CIMAP3: variants seen among roughly 807,000 people sequenced by gnomAD.
The protein encoded by CIMAP3 is ciliary microtubule-associated protein 3.
At chr1:111,324,951 A>G in the CIMAP3 span, 1 of 866,142 alleles carries the variant, frequency 1.2e-6, no homozygotes, top group South Asian at 5.3e-5. Context: ...ATTGGAGTCT[A>G]ACTGGAAAGA....
chr1:111,346,483 C>G, the CIMAP3 span: 3 of 920,420 alleles, frequency 3.3e-6, no homozygotes, highest in Non-Finnish European at 4.9e-6. Flanking sequence ...GGGCTTTGGG[C>G]TCCAAGGTGC....
chr1:111,330,479 TG>T, the CIMAP3 span, among the ~76,000 whole-genome samples: 1 of 152,208 alleles, frequency 6.6e-6, no homozygotes, highest in Non-Finnish European at 1.5e-5. Context: ...GTTGAAGCTT[TG>T]GGGTGTGATC....
At chr1:111,338,174 A>G in the CIMAP3 span, among the ~76,000 whole-genome samples, 3 of 151,968 alleles carry the variant, frequency 2.0e-5, no homozygotes. Flanking sequence ...ACATACCGGA[A>G]TCTCTGGGAC....
At chr1:111,352,926 T>A in the CIMAP3 span, 4 of 152,218 alleles carry the variant, frequency 2.6e-5, no homozygotes, top group African/African-American at 9.6e-5. Flanking sequence ...TGATGAAAGA[T>A]AAAATTTTAA....
At chr1:111,329,203 G>C in the CIMAP3 span, among the ~76,000 whole-genome samples, 1 of 152,034 alleles carries the variant, frequency 6.6e-6, no homozygotes, top group Non-Finnish European at 1.5e-5. Flanking sequence ...CAGGGTTTCA[G>C]CGGAGAGGTC....
the CIMAP3 span, among the ~76,000 whole-genome samples, chr1:111,339,403 G>A: frequency 6.7e-6 from 1 of 149,666 alleles, no homozygotes. Flanking sequence ...TAGGAAAAGA[G>A]GAAGTCAAAT....
the CIMAP3 span, among the ~76,000 whole-genome samples, chr1:111,332,499 C>T: frequency 6.6e-6 from 1 of 152,142 alleles, no homozygotes; most frequent in Non-Finnish European, 1.5e-5. Flanking sequence ...GGCATTTCTG[C>T]AGACAGTAGA....
the CIMAP3 span, among the ~76,000 whole-genome samples, chr1:111,329,798 C>T: frequency 4.6e-5 from 7 of 151,932 alleles, no homozygotes; most frequent in Non-Finnish European, 8.8e-5. Flanking sequence ...AGGTAATCAG[C>T]CCGCCTCAGC....
At chr1:111,348,505 C>A in the CIMAP3 span, 2 of 1,588,908 alleles carry the variant, frequency 1.3e-6, no homozygotes, top group Non-Finnish European at 1.7e-6. Flanking sequence ...TGATCTTTTT[C>A]TTGGAAACAG....
chr1:111,351,305 A>G, the CIMAP3 span: 3 of 1,584,236 alleles, frequency 1.9e-6, no homozygotes, highest in East Asian at 2.2e-5. Context: ...CGTGTGGCCT[A>G]CCTAAGCCTG....
At chr1:111,340,791 C>G in the CIMAP3 span, among the ~76,000 whole-genome samples, 1 of 152,168 alleles carries the variant, frequency 6.6e-6, no homozygotes, top group Admixed American at 6.5e-5. Flanking sequence ...TTGTGGAAGT[C>G]AGTGTGGCGA....
chr1:111,342,706 G>A, the CIMAP3 span, among the ~76,000 whole-genome samples: 36 of 152,278 alleles, frequency 2.4e-4, no homozygotes, highest in African/African-American at 8.7e-4. Flanking sequence ...GTTAAGGCAG[G>A]GGCAGATCTT....
chr1:111,346,634 C>G, the CIMAP3 span: 48 of 1,614,200 alleles, frequency 3.0e-5, 1 homozygote, highest in South Asian at 4.9e-4. Context: ...TACACAAGTG[C>G]TAGCCCTAGC....
chr1:111,339,007 T>C, the CIMAP3 span, among the ~76,000 whole-genome samples: 6 of 152,184 alleles, frequency 3.9e-5, no homozygotes, highest in Non-Finnish European at 5.9e-5. Flanking sequence ...TTATCCACCA[T>C]GATCAAGTGG....
chr1:111,326,985 GAT>G, the CIMAP3 span, among the ~76,000 whole-genome samples: 1 of 151,910 alleles, frequency 6.6e-6, no homozygotes, highest in African/African-American at 2.4e-5. Context: ...GTATATTGTG[GAT>G]ATTAGTCCCT....
chr1:111,324,804 C>T, the CIMAP3 span: 1 of 984,922 alleles, frequency 1.0e-6, no homozygotes, highest in Non-Finnish European at 1.2e-6. Flanking sequence ...CCAGAAGGTC[C>T]ATGCTATCTT....
At chr1:111,330,977 A>G in the CIMAP3 span, among the ~76,000 whole-genome samples, 1 of 151,994 alleles carries the variant, frequency 6.6e-6, no homozygotes, top group South Asian at 2.1e-4. Context: ...TTGACTGGCA[A>G]TTTTTTCTAT....
the CIMAP3 span, chr1:111,350,251 A>T: frequency 2.6e-6 from 4 of 1,533,726 alleles, no homozygotes; most frequent in Non-Finnish European, 3.6e-6. Flanking sequence ...TCTGTAGAAG[A>T]CTCTTATTCG....
the CIMAP3 span, chr1:111,351,693 T>C: frequency 5.9e-6 from 1 of 170,260 alleles, no homozygotes; most frequent in Admixed American, 6.1e-5. Flanking sequence ...CCTATACATG[T>C]CAAGGGTTTG....
Sources: gnomAD v4.1 joint callset for allele counts (sites outside exome capture counted in the v4.1 genomes callset) on GRCh38, gnomAD v4.1.1 for gene constraint, MANE v1.5 for transcripts, NCBI Gene and HGNC (gene_info 2026-07-23, HGNC 2026-07-21) for gene names.